AHCYL2: variants seen among roughly 807,000 people sequenced by gnomAD.
AHCYL2 encodes S-adenosylhomocysteine hydrolase-like protein 2.
A neutral mutation model predicts 81.4 loss-of-function variants in AHCYL2; 28 were observed. That is an observed-to-expected ratio of 0.34 (90% CI 0.25 to 0.47). The LOEUF (loss-of-function observed/expected upper bound fraction) is 0.47. Among genes scored for constraint, AHCYL2 ranks in the 20% least tolerant of loss-of-function variants. AHCYL2 has a pLI of 1.00. For missense variants in AHCYL2, 551 were observed against 785.1 expected (o/e 0.70, Z 3.56); for synonymous variants, 272 against 290.2 (o/e 0.94, Z 0.64).
intron 1 of AHCYL2, among the ~76,000 whole-genome samples, chr7:129,304,841 C>T (rs1797373472): frequency 1.3e-5 from 2 of 151,828 alleles, no homozygotes; most frequent in Admixed American, 1.3e-4. Context: ...CATTCAGCCA[C>T]TCTATGTCTT....
chr7:129,341,812 G>A (rs1473849042), intron 1 of AHCYL2, among the ~76,000 whole-genome samples: 1 of 152,176 alleles, frequency 6.6e-6, no homozygotes, highest in African/African-American at 2.4e-5. Flanking sequence ...CCTATTTGTG[G>A]CAAGATAGTA....
chr7:129,269,209 A>G (rs1194167146), intron 1 of AHCYL2, among the ~76,000 whole-genome samples: 2 of 146,676 alleles, frequency 1.4e-5, no homozygotes, highest in African/African-American at 2.5e-5. Context: ...TGCAGCCTCA[A>G]CCTCCCAGGC....
At position 129,375,894 on chromosome 7, in the gene AHCYL2, A is replaced by G. The variant is rs1034095812; in HGVS notation, c.364-3744A>G. 7.2e-6 allele frequency: 11 copies of G among 1,536,136 alleles called. No homozygotes were observed. In the African/African-American group the frequency reaches 1.2e-4, roughly 17 times the overall value. ...TATGCTGGGCAGCAAGAAGAAATAC[A>G]TTGTTAATGGCAACTCTGGGATTAA... On this transcript the variant is annotated intron_variant, in intron 1 of 16. Transcript: ENST00000325006.
intron 1 of AHCYL2, among the ~76,000 whole-genome samples, chr7:129,235,956 G>T (rs1794628690): frequency 6.7e-6 from 1 of 149,290 alleles, no homozygotes; most frequent in Admixed American, 6.7e-5. Context: ...TTTTGTGTGT[G>T]TACATGTAGA....
At chr7:129,308,359 A>G (rs1296132028) in intron 1 of AHCYL2, among the ~76,000 whole-genome samples, 1 of 152,126 alleles carries the variant, frequency 6.6e-6, no homozygotes, top group Non-Finnish European at 1.5e-5. Context: ...TGTTGCCAGC[A>G]CTGAGTTCCA....
chr7:129,252,502 C>G (rs1012190270), intron 1 of AHCYL2, among the ~76,000 whole-genome samples: 1 of 152,244 alleles, frequency 6.6e-6, no homozygotes, highest in Non-Finnish European at 1.5e-5. Flanking sequence ...CGTGATGGCT[C>G]ACCTCTGTAA....
At chr7:129,251,155 C>T (rs1172673080) in intron 1 of AHCYL2, among the ~76,000 whole-genome samples, 1 of 152,162 alleles carries the variant, frequency 6.6e-6, no homozygotes, top group African/African-American at 2.4e-5. Context: ...CCACAGGCAG[C>T]ATCCTTCTCC....
At chr7:129,315,537 C>T (rs1797801058) in intron 1 of AHCYL2, among the ~76,000 whole-genome samples, 2 of 152,212 alleles carry the variant, frequency 1.3e-5, no homozygotes, top group Admixed American at 6.5e-5. Context: ...CCACCTTTCC[C>T]AACCTTTATA....
chr7:129,425,634 G>A (rs1797329001), intron 15 of AHCYL2, among the ~76,000 whole-genome samples: 2 of 152,198 alleles, frequency 1.3e-5, no homozygotes, highest in Non-Finnish European at 2.9e-5. Flanking sequence ...TGGGTGTTTT[G>A]TATAAGAGAA....
rs1204409284 is a variant in AHCYL2, at chr7:129,385,266, G to A, written c.476-3790G>A. ...TCATCAGTGAAGTCTGCTATAACCC[G>A]ACACACAGGTCCCTACTGTTATTTC... On this transcript the variant is annotated intron_variant, in intron 2 of 16. Coordinates refer to ENST00000325006, the MANE Select transcript of AHCYL2 (RefSeq NM_015328.4). Among the ~76,000 whole-genome samples, 3 of 152,220 alleles carry A rather than the reference G, an allele frequency of 2.0e-5. No homozygotes were observed. In the East Asian group the frequency reaches 5.8e-4, roughly 29 times the overall value.
chr7:129,350,495 C>A (rs1490734275), intron 1 of AHCYL2, among the ~76,000 whole-genome samples: 1 of 150,442 alleles, frequency 6.6e-6, no homozygotes, highest in Non-Finnish European at 1.5e-5. Context: ...GGGATTCTTT[C>A]ACCTCAGCCT....
At chr7:129,318,194 G>A (rs1294941540) in intron 1 of AHCYL2, among the ~76,000 whole-genome samples, 1 of 152,224 alleles carries the variant, frequency 6.6e-6, no homozygotes, top group Non-Finnish European at 1.5e-5. Flanking sequence ...TGAATTTTCA[G>A]AGAAGGAAAT....
At chr7:129,241,182 A>G (rs1219277065) in intron 1 of AHCYL2, among the ~76,000 whole-genome samples, 1 of 152,214 alleles carries the variant, frequency 6.6e-6, no homozygotes, top group African/African-American at 2.4e-5. Context: ...CTATCACACC[A>G]AGGGAGCCAG....
chr7:129,298,411 T>G (rs1334872652), intron 1 of AHCYL2, among the ~76,000 whole-genome samples: 1 of 152,208 alleles, frequency 6.6e-6, no homozygotes. Context: ...ACAACTGGTA[T>G]CAAATTTTGC....
intron 4 of AHCYL2, 131 bp from the exon 5 acceptor site, chr7:129,397,091 G>A: frequency 1.4e-6 from 1 of 710,502 alleles, no homozygotes; most frequent in Non-Finnish European, 2.3e-6. Context: ...AGGTTCTGTA[G>A]AGCCCAATTT....
At chr7:129,373,108 T>G (rs1294432688) in intron 1 of AHCYL2, among the ~76,000 whole-genome samples, 1 of 152,188 alleles carries the variant, frequency 6.6e-6, no homozygotes, top group African/African-American at 2.4e-5. Context: ...AAAATTTTTT[T>G]TTTTAAATTA....
chr7:129,402,638 T>G (rs1245127690), intron 6 of AHCYL2, among the ~76,000 whole-genome samples: 1 of 152,218 alleles, frequency 6.6e-6, no homozygotes, highest in Non-Finnish European at 1.5e-5. Context: ...TCTCTGCTGA[T>G]GAAAGCTCCA....
At chr7:129,376,838 T>A (rs560052748) in intron 1 of AHCYL2, among the ~76,000 whole-genome samples, 1 of 152,326 alleles carries the variant, frequency 6.6e-6, no homozygotes, top group African/African-American at 2.4e-5. Flanking sequence ...GATGGGCTTC[T>A]AAAAAAGAAT....
intron 2 of AHCYL2, among the ~76,000 whole-genome samples, chr7:129,381,048 C>T (rs1028533513): frequency 1.3e-5 from 2 of 152,160 alleles, no homozygotes; most frequent in Non-Finnish European, 1.5e-5. Flanking sequence ...GGAAACCTAT[C>T]TTATTCTGCT....
Sources: allele counts gnomAD v4.1 joint callset (sites outside exome capture counted in the v4.1 genomes callset), GRCh38; gene constraint gnomAD v4.1.1; transcripts MANE v1.5; gene names NCBI Gene and HGNC (gene_info 2026-07-23, HGNC 2026-07-21).